CSMD1: variants seen among roughly 807,000 people sequenced by gnomAD.
CSMD1 encodes the protein CUB and sushi domain-containing protein 1.
A neutral mutation model predicts 417.5 loss-of-function variants in CSMD1; 213 were observed. The ratio of observed to expected loss-of-function variants is 0.51; its 90% CI spans 0.46 to 0.57. The LOEUF is 0.57. Among genes scored for constraint, CSMD1 ranks in the 20% least tolerant of loss-of-function variants. The pLI is 0.00. For synonymous variants in CSMD1, 2,862 were observed against 1,736.8 expected (o/e 1.65, Z -16.11); for missense variants, 6,923 against 4,529.7 (o/e 1.53, Z -15.17).
chr8:3,959,968 G>C (rs150058487), intron 5 of CSMD1, among the ~76,000 whole-genome samples: 3 of 152,256 alleles, frequency 2.0e-5, no homozygotes, highest in Non-Finnish European at 4.4e-5. Context: ...GAACATTTAC[G>C]AAATAACAAA....
chr8:4,747,755 C>A (rs73661111), intron 1 of CSMD1, among the ~76,000 whole-genome samples: 1 of 152,054 alleles, frequency 6.6e-6, no homozygotes, highest in Non-Finnish European at 1.5e-5. Context: ...CCAAGCACAT[C>A]GAATACTGTG....
At chr8:4,516,085 G>C (rs1479189379) in intron 2 of CSMD1, among the ~76,000 whole-genome samples, 4 of 152,118 alleles carry the variant, frequency 2.6e-5, no homozygotes, top group African/African-American at 4.8e-5. Flanking sequence ...AGGTGCCTCA[G>C]AATGTGACTG....
chr8:4,079,409 A>G (rs1455041737), intron 3 of CSMD1, among the ~76,000 whole-genome samples: 1 of 152,142 alleles, frequency 6.6e-6, no homozygotes, highest in East Asian at 1.9e-4. Context: ...GTCTATTTTA[A>G]CTCTGGCTAA....
rs556860786 is a variant in CSMD1 at position 3,980,116 on chromosome 8, T to A, written c.818+17787A>T. The stretch of plus-strand genomic sequence containing the variant: ...ACTTTTGTCTGTTTTTTCTAGAAAA[T>A]AGGTTTTATCATTGTATAGTGCTGT... On this transcript the variant is annotated intron_variant, in intron 5 of 69. Coordinates refer to ENST00000635120, the MANE Select transcript of CSMD1 (RefSeq NM_033225.6). 6.0e-5 allele frequency among the ~76,000 whole-genome samples: 8 copies of A among 134,268 alleles called. No individual in the cohort carries two copies. In the East Asian group the frequency reaches 2.0e-3, roughly 34 times the overall value. 88.1% of individuals were successfully genotyped at this position (134,268 alleles called of 152,430 possible). A position where few individuals can be genotyped will look rare whatever the true frequency, so the allele number is the denominator to read the frequency against.
chr8:3,652,308 AACCACCATCGGAGTGCTC>A (rs1439502879), intron 7 of CSMD1, among the ~76,000 whole-genome samples: 33 of 149,588 alleles, frequency 2.2e-4, no homozygotes, highest in African/African-American at 3.5e-4. Context: ...CAGCATGCTT[AACCACCATCGGAGTGCTC>A]ACCACCATCA....
intron 3 of CSMD1, among the ~76,000 whole-genome samples, chr8:4,406,339 A>C (rs144436878): frequency 6.6e-6 from 1 of 152,152 alleles, no homozygotes; most frequent in African/African-American, 2.4e-5. Context: ...CACACTCAAA[A>C]TGACAGAATT....
intron 1 of CSMD1, among the ~76,000 whole-genome samples, chr8:4,647,340 G>T (rs987983435): frequency 6.6e-6 from 1 of 150,856 alleles, no homozygotes; most frequent in East Asian, 2.0e-4. Flanking sequence ...GGCCTGCTAC[G>T]TAGGTACGCG....
intron 25 of CSMD1, among the ~76,000 whole-genome samples, chr8:3,299,829 G>T (rs542193424): frequency 6.6e-6 from 1 of 152,278 alleles, no homozygotes; most frequent in Admixed American, 6.5e-5. Flanking sequence ...AGATTGTTAA[G>T]GACTGAAAAG....
At chr8:4,021,999 T>G (rs1796811470) in intron 4 of CSMD1, among the ~76,000 whole-genome samples, 1 of 151,944 alleles carries the variant, frequency 6.6e-6, no homozygotes, top group African/African-American at 2.4e-5. Context: ...TAGGTCTGTC[T>G]AATTCTGGAG....
chr8:4,279,411 G>A (rs886730699), intron 3 of CSMD1, among the ~76,000 whole-genome samples: 1 of 152,166 alleles, frequency 6.6e-6, no homozygotes, highest in Non-Finnish European at 1.5e-5. Context: ...ACCATTAAAT[G>A]TGAATTTTTG....
intron 12 of CSMD1, among the ~76,000 whole-genome samples, chr8:3,418,432 T>G (rs749487641): frequency 3.3e-5 from 5 of 152,216 alleles, no homozygotes; most frequent in Non-Finnish European, 7.3e-5. Flanking sequence ...AGACTGGATG[T>G]CAGAGAGCAC....
intron 1 of CSMD1, among the ~76,000 whole-genome samples, chr8:4,942,339 C>A (rs1228733501): frequency 6.6e-6 from 1 of 151,972 alleles, no homozygotes; most frequent in East Asian, 1.9e-4. Context: ...ATAGAATAAC[C>A]CATTGCTTTC....
intron 3 of CSMD1, among the ~76,000 whole-genome samples, chr8:4,165,455 G>T (rs188251206): frequency 6.6e-6 from 1 of 152,210 alleles, no homozygotes; most frequent in South Asian, 2.1e-4. Flanking sequence ...CGCCCAGGCT[G>T]AGTGCAATGG....
At chr8:4,286,372 A>C (rs1176885658) in intron 3 of CSMD1, among the ~76,000 whole-genome samples, 1 of 152,170 alleles carries the variant, frequency 6.6e-6, no homozygotes, top group Non-Finnish European at 1.5e-5. Flanking sequence ...ATGTTAGTTC[A>C]AAACTACAGT....
chr8:4,148,114 T>C (rs1192418337), intron 3 of CSMD1, among the ~76,000 whole-genome samples: 3 of 152,148 alleles, frequency 2.0e-5, no homozygotes, highest in Non-Finnish European at 2.9e-5. Flanking sequence ...GCATCTTTGA[T>C]GCGCGTGACA....
chr8:3,991,980 A>G (rs1414540667), intron 5 of CSMD1, among the ~76,000 whole-genome samples: 1 of 152,134 alleles, frequency 6.6e-6, no homozygotes, highest in Non-Finnish European at 1.5e-5. Context: ...TTTTTACAAA[A>G]AAAATACACT....
rs185211594 is a variant in CSMD1 at position 4,371,110 on chromosome 8, C to G, written c.415+48843G>C. On this transcript the variant is annotated intron_variant, in intron 3 of 69. Transcript: ENST00000635120. The stretch of plus-strand genomic sequence containing the variant: ...AGATGGGGCATTTTGTTTTTATGGT[C>G]TTTATTGCCCTTGAGAGTTTCACAG... 9.2e-5 allele frequency among the ~76,000 whole-genome samples: 14 copies of G among 152,214 alleles called. No individual in the cohort carries two copies. In the East Asian group the frequency reaches 2.7e-3, roughly 29 times the overall value.
chr8:3,748,870 A>T (rs542433325), intron 6 of CSMD1, among the ~76,000 whole-genome samples: 49 of 152,338 alleles, frequency 3.2e-4, no homozygotes, highest in African/African-American at 1.2e-3. Flanking sequence ...CACAAGCTTT[A>T]TCGCCACTGT....
Position 3,723,535 on chromosome 8 carries a change from A to T in CSMD1, c.932-15044T>A, listed in dbSNP as rs1310218524. ...TGGGCATTTAGTCATATTTACTTAA[A>T]AATGAACAGTCAGCTATTGTTACCT... On this transcript the variant is annotated intron_variant, in intron 6 of 69. Coordinates refer to ENST00000635120, the MANE Select transcript of CSMD1 (RefSeq NM_033225.6). 2.0e-5 allele frequency among the ~76,000 whole-genome samples: 3 copies of T among 152,228 alleles called. No individual in the cohort carries two copies. In the East Asian group the frequency reaches 5.8e-4, roughly 29 times the overall value.
Sources: allele counts gnomAD v4.1 joint callset (sites outside exome capture counted in the v4.1 genomes callset), GRCh38; gene constraint gnomAD v4.1.1; transcripts MANE v1.5; gene names NCBI Gene and HGNC (gene_info 2026-07-23, HGNC 2026-07-21).